LPIN2: variants seen among roughly 807,000 people sequenced by gnomAD.
LPIN2 encodes the protein lipin 2.
In LPIN2, 55 loss-of-function variants were observed where a neutral mutation model predicts 111.4. The ratio of observed to expected loss-of-function variants is 0.49; its 90% CI spans 0.40 to 0.62. LPIN2 has a LOEUF of 0.62. Ranked by LOEUF, LPIN2 falls within the 20% of genes least tolerant of loss-of-function variation. LPIN2 has a pLI of 0.00. For synonymous variants in LPIN2, 425 were observed against 414.0 expected (o/e 1.03, Z -0.32); for missense variants, 992 against 1,112.1 (o/e 0.89, Z 1.54).
intron 1 of LPIN2, among the ~76,000 whole-genome samples, chr18:2,991,674 T>C (rs1253981290): frequency 6.6e-6 from 1 of 151,640 alleles, no homozygotes; most frequent in Admixed American, 6.6e-5. Context: ...ACCATGTCAC[T>C]ACACTCCAAC....
At position 2,917,107 on chromosome 18, in the gene LPIN2, A is replaced by G. The variant is rs914562464; in HGVS notation, c.*3186T>C. On this transcript the variant is annotated 3_prime_UTR_variant, in exon 20 of 20. Coordinates refer to ENST00000677752, the MANE Select transcript of LPIN2 (RefSeq NM_001375808.2). ...CAATTGCTTTACTGTAACTAAGAGT[A>G]CTGTACTGATGATGTTTACAATTAA... 2.0e-5 allele frequency: 3 copies of G among 152,252 alleles called. No individual in the cohort carries two copies. The highest frequency in any genetic ancestry group is 7.2e-5 in the African/African-American group (3 of 41,472). 9.4% of individuals were successfully genotyped at this position (152,252 alleles called of 1,614,324 possible).
At chr18:2,946,103 CTTCTT>C (rs750285572) in intron 4 of LPIN2, 21 of 1,562,930 alleles carry the variant, frequency 1.3e-5, no homozygotes, top group East Asian at 4.5e-5. Flanking sequence ...TCATCATTGT[CTTCTT>C]TTCTTATTTT....
chr18:2,996,602 C>T (rs1240514270), intron 1 of LPIN2, among the ~76,000 whole-genome samples: 4 of 149,870 alleles, frequency 2.7e-5, no homozygotes, highest in East Asian at 4.0e-4. Context: ...CTCAGCCTCC[C>T]GAGTAGCTGG....
At chr18:2,943,358 C>A (rs1159031331) in intron 4 of LPIN2, among the ~76,000 whole-genome samples, 1 of 151,890 alleles carries the variant, frequency 6.6e-6, no homozygotes, top group Non-Finnish European at 1.5e-5. Context: ...ACAAGAAATT[C>A]AAAGGCTCCT....
At chr18:2,977,920 C>T (rs562372526) in intron 1 of LPIN2, among the ~76,000 whole-genome samples, 73 of 152,166 alleles carry the variant, frequency 4.8e-4, no homozygotes, top group Admixed American at 4.6e-3. Flanking sequence ...AGGCCGGGCT[C>T]GGTGGTTTAC....
intron 4 of LPIN2, chr18:2,945,451 CACA>C (rs2077436382): frequency 2.9e-6 from 2 of 686,940 alleles, no homozygotes; most frequent in Admixed American, 2.4e-5. Flanking sequence ...CATTCAGTAA[CACA>C]ACAACAAAAC....
At chr18:2,964,378 T>C (rs1598576117) in intron 1 of LPIN2, among the ~76,000 whole-genome samples, 1 of 149,654 alleles carries the variant, frequency 6.7e-6, no homozygotes. Context: ...AATTCATATA[T>C]TGAAGCCCTG....
At chr18:3,007,741 C>T (rs1001056246) in intron 1 of LPIN2, among the ~76,000 whole-genome samples, 6 of 152,200 alleles carry the variant, frequency 3.9e-5, no homozygotes, top group African/African-American at 1.4e-4. Context: ...CAAGCAGCTC[C>T]AAATCAGAGC....
intron 1 of LPIN2, among the ~76,000 whole-genome samples, chr18:2,982,205 T>C (rs73936887): frequency 0.029 from 4,384 of 152,252 alleles, 193 homozygotes; most frequent in African/African-American, 0.1. Flanking sequence ...CTGCAGCCAC[T>C]CTCATATATC....
At chr18:2,943,191 TCA>T (rs1486127457) in intron 4 of LPIN2, among the ~76,000 whole-genome samples, 25 of 122,728 alleles carry the variant, frequency 2.0e-4, no homozygotes, top group Non-Finnish European at 3.0e-4. Flanking sequence ...AAATTATACC[TCA>T]GTTTTTTTTC....
At chr18:2,980,426 A>G (rs959856670) in intron 1 of LPIN2, among the ~76,000 whole-genome samples, 1 of 152,146 alleles carries the variant, frequency 6.6e-6, no homozygotes, top group African/African-American at 2.4e-5. Context: ...CAGTAATGAC[A>G]ACGTGTTATG....
intron 1 of LPIN2, chr18:2,967,546 G>A (rs1214891203): frequency 6.6e-6 from 1 of 152,174 alleles, no homozygotes; most frequent in Non-Finnish European, 1.5e-5. Context: ...GCTTAACTGA[G>A]TCAACATTTT....
At chr18:2,988,869 A>T (rs2078223416) in intron 1 of LPIN2, among the ~76,000 whole-genome samples, 1 of 152,228 alleles carries the variant, frequency 6.6e-6, no homozygotes, top group Non-Finnish European at 1.5e-5. Flanking sequence ...ACTTTAATAT[A>T]AAAAAGCTCT....
chr18:2,982,879 G>T, intron 1 of LPIN2: 2 of 368,928 alleles, frequency 5.4e-6, no homozygotes, highest in Non-Finnish European at 5.4e-6. Context: ...ACAGTTATAT[G>T]GCTAAAACTG....
intron 1 of LPIN2, among the ~76,000 whole-genome samples, chr18:2,962,135 C>T (rs968463481): frequency 7.2e-5 from 11 of 152,204 alleles, no homozygotes; most frequent in Non-Finnish European, 1.6e-4. Context: ...TGAGTGGCCA[C>T]GGCAGAGCCC....
chr18:2,975,930 C>T (rs1483644353), intron 1 of LPIN2, among the ~76,000 whole-genome samples: 2 of 152,146 alleles, frequency 1.3e-5, no homozygotes, highest in African/African-American at 4.8e-5. Flanking sequence ...AATTCAAACA[C>T]TCCAACTTTG....
chr18:2,938,859 A>G (rs2077328921), intron 6 of LPIN2, among the ~76,000 whole-genome samples: 1 of 152,100 alleles, frequency 6.6e-6, no homozygotes, highest in African/African-American at 2.4e-5. Context: ...TTCTTGTTTA[A>G]AATTTCAGTG....
Position 2,926,944 on chromosome 18 carries a change from C to T in LPIN2, c.1711-139G>A, listed in dbSNP as rs1199728241. 3.2e-5 allele frequency: 23 copies of T among 722,444 alleles called. 1 individual carries two copies. Among genetic ancestry groups the T allele is most frequent in the Non-Finnish European group, 5.4e-5 (22 of 404,108 alleles). 44.8% of individuals were successfully genotyped at this position (722,444 alleles called of 1,614,324 possible). A position where few individuals can be genotyped will look rare whatever the true frequency, so the allele number is the denominator to read the frequency against. Reference sequence around the variant, plus strand: ...AAAATGCTCAAAAACCAGACTTTCTCTATTCTGAGCCAAAGAATTAGAAAC... The same window carrying T: ...AAAATGCTCAAAAACCAGACTTTCTTTATTCTGAGCCAAAGAATTAGAAAC... On this transcript the variant is annotated intron_variant, in intron 12 of 19. Coordinates refer to ENST00000677752, the MANE Select transcript of LPIN2 (RefSeq NM_001375808.2).
chr18:3,001,023 C>A (rs912519669), intron 1 of LPIN2, among the ~76,000 whole-genome samples: 1 of 151,686 alleles, frequency 6.6e-6, no homozygotes, highest in Non-Finnish European at 1.5e-5. Flanking sequence ...TGAGACTTCT[C>A]AAAAAAAGGT....
Sources: gnomAD v4.1 joint callset for allele counts (sites outside exome capture counted in the v4.1 genomes callset) on GRCh38, gnomAD v4.1.1 for gene constraint, MANE v1.5 for transcripts, NCBI Gene and HGNC (gene_info 2026-07-23, HGNC 2026-07-21) for gene names.